The following WIPI1 variants were observed in gnomAD, a reference collection of about 807,000 sequenced individuals.
The protein encoded by WIPI1 is WD repeat domain, phosphoinositide interacting 1.
A neutral mutation model predicts 55.3 loss-of-function variants in WIPI1; 45 were observed. That is an observed-to-expected ratio of 0.81 (90% confidence interval 0.64 to 1.04). The LOEUF is 1.04. Ranked by LOEUF, WIPI1 falls within the 50% of genes least tolerant of loss-of-function variation. WIPI1 has a pLI of 0.00. For synonymous variants in WIPI1, 195 were observed against 217.6 expected, an observed-to-expected ratio of 0.90 and a Z score of 0.92; for missense variants, 445 against 559.0, an observed-to-expected ratio of 0.80 and a Z score of 2.06.
Position 68,430,115 on chromosome 17 carries a change from C to T in WIPI1, c.846G>A (p.Met282Ile), listed in dbSNP as rs768403033. The change falls in exon 9 of 13, where the codon ATG (methionine) becomes ATA (isoleucine). Residue 282 changes from methionine (M) to isoleucine (I), a missense_variant. Met to Ile is a conservative substitution (Grantham distance 10). Transcript: ENST00000262139. ...GGAGGTAGTTGGTAGCAGCCATAAA[C>T]ATCTTTCCCATGTAGCCACTCCAGG... ...PSTWSGYMGK[M>I]FMAATNYLPT... 106 of 1,614,116 alleles carry T rather than the reference C, an allele frequency of 6.6e-5. No homozygotes were observed. The highest frequency in any genetic ancestry group is 8.8e-5 in the Non-Finnish European group (104 of 1,180,016).
intron 3 of WIPI1, among the ~76,000 whole-genome samples, 169 bp downstream of exon 3, chr17:68,450,559 C>T (rs759072942): frequency 6.6e-6 from 1 of 152,218 alleles, no homozygotes; most frequent in Non-Finnish European, 1.5e-5. Flanking sequence ...ACAACCAGCA[C>T]CTGGAGTAGA....
chr17:68,425,096 G>C (rs576626713), intron 12 of WIPI1, among the ~76,000 whole-genome samples: 1 of 152,180 alleles, frequency 6.6e-6, no homozygotes. Flanking sequence ...AGCCAGCCCC[G>C]AGGGCCCTAG....
chr17:68,433,699 C>A (rs2085454260), intron 7 of WIPI1, 124 bp from the exon 8 acceptor site: 1 of 548,572 alleles, frequency 1.8e-6, no homozygotes, highest in Admixed American at 2.8e-5. Flanking sequence ...ACCCAGATCC[C>A]TTAAACACTG....
rs199594949 is a variant in WIPI1, at chr17:68,430,079, C to G, written c.882G>C (p.Val294=). The G allele has an allele frequency of 1.9e-6, 3 of 1,614,188 alleles. No individual in the cohort carries two copies. In the East Asian group the frequency reaches 6.7e-5, roughly 36 times the overall value. Residue 294 remains valine, a synonymous_variant, in exon 9 of 13, where the codon GTG becomes GTC. Coordinates refer to ENST00000262139, the MANE Select transcript of WIPI1 (RefSeq NM_017983.7). Reference sequence around the variant, plus strand: ...CCCTGTCCTGATGCATCATGTCTGACACCTGGGTAGGGAGGTAGTTGGTAG... The same window carrying G: ...CCCTGTCCTGATGCATCATGTCTGAGACCTGGGTAGGGAGGTAGTTGGTAG... ...MAATNYLPTQ[V]SDMMHQDRAF...
intron 3 of WIPI1, among the ~76,000 whole-genome samples, chr17:68,444,884 C>A (rs1397577442): frequency 1.3e-5 from 2 of 150,910 alleles, no homozygotes; most frequent in African/African-American, 4.9e-5. Context: ...TCTTCCTTCT[C>A]CTTCTTTCCT....
At chr17:68,437,157 T>C (rs1014658513) in intron 4 of WIPI1, among the ~76,000 whole-genome samples, 1 of 152,082 alleles carries the variant, frequency 6.6e-6, no homozygotes, top group African/African-American at 2.4e-5. Context: ...AATCTTCCTA[T>C]AGTGAAAAGT....
intron 8 of WIPI1, among the ~76,000 whole-genome samples, chr17:68,432,055 A>C (rs2083552840): frequency 6.6e-6 from 1 of 152,236 alleles, no homozygotes; most frequent in South Asian, 2.1e-4. Context: ...GTGAAAGAAA[A>C]TCCTAAAAAG....
At position 68,450,865 on chromosome 17, in the gene WIPI1, G is replaced by A; in HGVS notation, c.196C>T (p.Leu66Phe). 1 of 1,613,894 alleles carries A rather than the reference G, an allele frequency of 6.2e-7. No individual in the cohort carries two copies. Among genetic ancestry groups the A allele is most frequent in the Non-Finnish European group, 8.5e-7 (1 of 1,179,948 alleles). ...ACCACCACCAGGCTGCTGGAGAAGA[G>A]GCGCTCCACGATGTAGACGTCCGGG... is the stretch of plus-strand genomic sequence containing the variant. Reference protein sequence around the residue: ...EIPDVYIVERLFSSSLVVVVS... With the variant: ...EIPDVYIVERFFSSSLVVVVS... Residue 66 changes from leucine to phenylalanine, a missense_variant, in exon 3 of 13, where the codon CTC becomes TTC. Leu to Phe is a conservative substitution (Grantham distance 22). Transcript: ENST00000262139.
At chr17:68,443,169 G>A (rs1180544824) in intron 4 of WIPI1, among the ~76,000 whole-genome samples, 2 of 152,100 alleles carry the variant, frequency 1.3e-5, no homozygotes, top group African/African-American at 2.4e-5. Flanking sequence ...GGAGTGCAGT[G>A]GTGCGATCTC....
intron 12 of WIPI1, chr17:68,422,147 G>T: frequency 3.9e-6 from 1 of 256,972 alleles, no homozygotes; most frequent in Non-Finnish European, 7.7e-6. Flanking sequence ...GTCAGTTTAG[G>T]CTGGGCGCGG....
At position 68,437,244 on chromosome 17, in the gene WIPI1, AG is replaced by A. The variant is rs141796142; in HGVS notation, c.431-766del. ...TCAAGTTGGAGAAGAGGAGCTGCCA[AG>A]AACCTATTTAGAAACTGAGAAATTT... On this transcript the variant is annotated intron_variant, in intron 4 of 12. Transcript: ENST00000262139. Among the ~76,000 whole-genome samples the A allele has an allele frequency of 3.5e-3, 528 of 152,266 alleles. 6 individuals carry two copies. The highest frequency in any genetic ancestry group is 0.012 in the African/African-American group (514 of 41,538).
Position 68,427,124 on chromosome 17 carries a change from T to G in WIPI1, c.1192+11A>C. The G allele has an allele frequency of 6.2e-7, 1 of 1,611,120 alleles. No individual in the cohort carries two copies. The highest frequency in any genetic ancestry group is 8.5e-7 in the Non-Finnish European group (1 of 1,177,524). On this transcript the variant is annotated intron_variant, in intron 11 of 12. Transcript: ENST00000262139. The stretch of plus-strand genomic sequence containing the variant: ...TGGAGATGCTCCCCTGTTGGCCCCG[T>G]GTCCACCCACCTGGCACCGTGGAGG...
At chr17:68,422,086 TAA>T (rs1251250253) in intron 12 of WIPI1, 4 of 442,322 alleles carry the variant, frequency 9.0e-6, no homozygotes, top group Non-Finnish European at 1.6e-5. Flanking sequence ...TATATATTTT[TAA>T]AAGGCTCATC....
chr17:68,443,585 C>T (rs1342001506), intron 4 of WIPI1, among the ~76,000 whole-genome samples: 2 of 152,138 alleles, frequency 1.3e-5, no homozygotes, highest in Non-Finnish European at 2.9e-5. Context: ...TAATTCTCAG[C>T]CAACCCTGGG....
At position 68,435,337 on chromosome 17, in the gene WIPI1, C is replaced by T. The variant is rs144966513; in HGVS notation, c.621+283G>A. ...GTGTTTATAAGGTGTAGCATTTGTC[C>T]GTCTCTACGGCTGATGTACACGTAC... On this transcript the variant is annotated intron_variant, in intron 6 of 12. Transcript: ENST00000262139. 6.0e-3 allele frequency among the ~76,000 whole-genome samples: 907 copies of T among 152,262 alleles called. 17 individuals are homozygous for T. Among genetic ancestry groups the T allele is most frequent in the African/African-American group, 0.021 (853 of 41,542 alleles).
chr17:68,442,396 C>T (rs866271285), intron 4 of WIPI1, among the ~76,000 whole-genome samples: 3 of 146,878 alleles, frequency 2.0e-5, no homozygotes, highest in South Asian at 2.1e-4. Context: ...ATCCGGGAGG[C>T]GAAGGTTGCA....
chr17:68,439,813 T>C (rs1054709796), intron 4 of WIPI1, among the ~76,000 whole-genome samples: 1 of 152,200 alleles, frequency 6.6e-6, no homozygotes, highest in South Asian at 2.1e-4. Context: ...GCTACCGTGA[T>C]ATAGAGGTCT....
intron 7 of WIPI1, among the ~76,000 whole-genome samples, chr17:68,434,059 C>T (rs373242931): frequency 6.6e-6 from 1 of 152,068 alleles, no homozygotes; most frequent in African/African-American, 2.4e-5. Context: ...CGTGAGCCAC[C>T]GCGCCCGGCC....
At chr17:68,457,239 A>G in intron 1 of WIPI1, 103 bp downstream of exon 1, 4 of 1,380,638 alleles carry the variant, frequency 2.9e-6, no homozygotes, top group Non-Finnish European at 3.9e-6. Flanking sequence ...CCTCCCGCCG[A>G]GGCCGCCTCG....
Sources: gnomAD v4.1 joint callset for allele counts (sites outside exome capture counted in the v4.1 genomes callset) on GRCh38, gnomAD v4.1.1 for gene constraint, MANE v1.5 for transcripts, NCBI Gene and HGNC (gene_info 2026-07-23, HGNC 2026-07-21) for gene names.